GPR139: variants seen among roughly 807,000 people sequenced by gnomAD.
GPR139 encodes probable G protein-coupled receptor 139.
GPR139 carries 12 observed loss-of-function variants against 25.8 expected under a neutral mutation model. That is an observed-to-expected ratio of 0.47 (90% CI 0.30 to 0.75). GPR139 has a LOEUF of 0.75. Ranked by LOEUF, GPR139 falls within the 30% of genes least tolerant of loss-of-function variation. The probability of loss-of-function intolerance (pLI) is 0.07; values close to 1 mark genes in which losing one functional copy is unlikely to be tolerated. For synonymous variants in GPR139, 184 were observed against 179.9 expected, an observed-to-expected ratio of 1.02 and a Z score of -0.18; for missense variants, 380 against 450.2, an observed-to-expected ratio of 0.84 and a Z score of 1.41.
At chr16:20,049,258 C>CA (rs1375367113) in intron 1 of GPR139, among the ~76,000 whole-genome samples, 1 of 152,086 alleles carries the variant, frequency 6.6e-6, no homozygotes, top group African/African-American at 2.4e-5. Context: ...ATGGACTCCC[C>CA]AAGGCTCTCT....
chr16:20,049,035 TC>T (rs1218846939), intron 1 of GPR139, among the ~76,000 whole-genome samples: 8 of 152,224 alleles, frequency 5.3e-5, no homozygotes, highest in African/African-American at 1.9e-4. Flanking sequence ...GTTAAGCACC[TC>T]ACTGGCCAGA....
At chr16:20,049,454 G>GT (rs1567237509) in intron 1 of GPR139, among the ~76,000 whole-genome samples, 1 of 152,152 alleles carries the variant, frequency 6.6e-6, no homozygotes, top group East Asian at 1.9e-4. Flanking sequence ...TGACTTGGGC[G>GT]TAACACTTAA....
rs186801221 is a variant in GPR139, at chr16:20,055,104, C to T, written c.127+18386G>A. 2.5e-3 allele frequency among the ~76,000 whole-genome samples: 375 copies of T among 151,210 alleles called. 1 individual carries two copies. The highest frequency in any genetic ancestry group is 4.3e-3 in the Non-Finnish European group (294 of 67,928). ...TTTTCTGATCCCCTACCTCCTCCCA[C>T]CCTCCACCGTCTGATAGGCCCAATG... On this transcript the variant is annotated intron_variant, in intron 1 of 1. Transcript: ENST00000570682.
intron 1 of GPR139, among the ~76,000 whole-genome samples, chr16:20,038,596 G>A (rs752396316): frequency 1.3e-4 from 20 of 151,940 alleles, no homozygotes; most frequent in Non-Finnish European, 2.5e-4. Context: ...AAACTAACCC[G>A]CAGACACTGA....
rs1266281677 is a variant in GPR139, at chr16:20,031,986, T to C, written c.811A>G (p.Asn271Asp). 2 of 1,614,196 alleles carry C rather than the reference T, an allele frequency of 1.2e-6. No homozygotes were observed. The change falls in exon 2 of 2, where the codon AAC becomes GAC. Residue 271 changes from asparagine to aspartate, a missense_variant. By Grantham distance (23) the Asn-to-Asp change is conservative. Coordinates refer to ENST00000570682, the MANE Select transcript of GPR139 (RefSeq NM_001002911.4). ...GCTGTGTTCAGAAGGGCTAGCATGT[T>C]GGCAATGTCGGACATGATGTGTACC... Reference protein sequence around the residue: ...WLVHIMSDIANMLALLNTAIN... With the variant: ...WLVHIMSDIADMLALLNTAIN...
intron 1 of GPR139, among the ~76,000 whole-genome samples, chr16:20,051,578 G>C (rs1487536837): frequency 6.6e-6 from 1 of 152,166 alleles, no homozygotes; most frequent in African/African-American, 2.4e-5. Context: ...TTCTGTGGTT[G>C]GAGAAATTGT....
At chr16:20,066,961 C>T (rs536629374) in intron 1 of GPR139, among the ~76,000 whole-genome samples, 18 of 152,288 alleles carry the variant, frequency 1.2e-4, no homozygotes, top group African/African-American at 3.4e-4. Flanking sequence ...AGTTTGACTT[C>T]AGAGACCACT....
At chr16:20,045,252 G>A (rs994562593) in intron 1 of GPR139, among the ~76,000 whole-genome samples, 45 of 152,122 alleles carry the variant, frequency 3.0e-4, no homozygotes, top group South Asian at 4.2e-4. Context: ...CACCAGCCTC[G>A]GCCTCCCAAA....
intron 1 of GPR139, among the ~76,000 whole-genome samples, chr16:20,044,609 C>G (rs1268817521): frequency 6.6e-6 from 1 of 152,176 alleles, no homozygotes; most frequent in African/African-American, 2.4e-5. Context: ...ACTGTTCCCT[C>G]AGAGCAGCTA....
chr16:20,049,790 G>A (rs12448759), intron 1 of GPR139, among the ~76,000 whole-genome samples: 12,409 of 152,262 alleles, frequency 0.081, 592 homozygotes, highest in Non-Finnish European at 0.11. Flanking sequence ...AAGTGGGGAT[G>A]GTAATGCCTA....
chr16:20,044,981 T>C (rs534226958), intron 1 of GPR139, among the ~76,000 whole-genome samples: 1 of 146,654 alleles, frequency 6.8e-6, no homozygotes, highest in South Asian at 2.1e-4. Flanking sequence ...TTGCCAGAGG[T>C]TTCACTTGCA....
chr16:20,064,250 T>C lies in GPR139; in HGVS notation c.127+9240A>G, dbSNP rs527440857. Among the ~76,000 whole-genome samples, 207 of 152,254 alleles carry C rather than the reference T, an allele frequency of 1.4e-3. 1 individual carries two copies. Among genetic ancestry groups the C allele is most frequent in the Non-Finnish European group, 2.2e-3 (147 of 68,026 alleles). The stretch of plus-strand genomic sequence containing the variant: ...CATAAAATGGGGATGTTTGGACTCA[T>C]AGAAAACACAGCGGCCATTACTGCT... On this transcript the variant is annotated intron_variant, in intron 1 of 1. Coordinates refer to ENST00000570682, the MANE Select transcript of GPR139 (RefSeq NM_001002911.4).
intron 1 of GPR139, among the ~76,000 whole-genome samples, chr16:20,068,426 T>C (rs2057444875): frequency 1.3e-5 from 2 of 152,248 alleles, no homozygotes; most frequent in African/African-American, 4.8e-5. Flanking sequence ...TGGTAGTATA[T>C]AAAAATACAA....
At chr16:20,067,458 C>T (rs1902816) in intron 1 of GPR139, among the ~76,000 whole-genome samples, 8 of 152,202 alleles carry the variant, frequency 5.3e-5, no homozygotes, top group South Asian at 2.1e-4. Context: ...TGCCTAAGGA[C>T]GAGTCATGCA....
Sources: allele counts gnomAD v4.1 joint callset (sites outside exome capture counted in the v4.1 genomes callset), GRCh38; gene constraint gnomAD v4.1.1; transcripts MANE v1.5; gene names NCBI Gene and HGNC (gene_info 2026-07-23, HGNC 2026-07-21).